DIAPH2: variants seen among roughly 807,000 people sequenced by gnomAD.
DIAPH2 encodes the protein protein diaphanous homolog 2.
Under a neutral mutation model 92.7 loss-of-function variants are expected in DIAPH2, and 35 were observed. That is an observed-to-expected ratio of 0.38 (90% CI 0.29 to 0.50). The LOEUF is 0.50. Ranked by LOEUF, DIAPH2 falls within the 20% of genes least tolerant of loss-of-function variation. The probability of loss-of-function intolerance (pLI) is 0.94; values close to 1 mark genes in which losing one functional copy is unlikely to be tolerated. For synonymous variants in DIAPH2, 301 were observed against 280.4 expected, an observed-to-expected ratio of 1.07 and a Z score of -0.73; for missense variants, 701 against 819.5, an observed-to-expected ratio of 0.86 and a Z score of 1.77.
intron 1 of DIAPH2, among the ~76,000 whole-genome samples, chrX:96,724,217 C>T (rs1432136369): frequency 3.6e-5 from 4 of 111,327 alleles, no homozygotes; most frequent in South Asian, 7.5e-4. Flanking sequence ...TGAGCCACCA[C>T]GCTTGGCTAA....
At chrX:97,009,860 G>A (rs1165972194) in intron 17 of DIAPH2, among the ~76,000 whole-genome samples, 3 of 111,639 alleles carry the variant, frequency 2.7e-5, no homozygotes, top group Admixed American at 9.5e-5. Flanking sequence ...GTGGAAGGAA[G>A]GGGTCTCTAC....
At chrX:97,273,824 G>T (rs1309851669) in intron 23 of DIAPH2, among the ~76,000 whole-genome samples, 2 of 111,501 alleles carry the variant, frequency 1.8e-5, no homozygotes, top group African/African-American at 6.5e-5. Flanking sequence ...GTTTGACATT[G>T]GTCATTTTAA....
intron 26 of DIAPH2, among the ~76,000 whole-genome samples, chrX:97,563,808 G>A (rs1335305956): frequency 8.1e-5 from 9 of 110,484 alleles, no homozygotes; most frequent in Non-Finnish European, 1.5e-4. Context: ...AAGGGATCTA[G>A]GAGTGACTGG....
At chrX:96,818,021 G>T (rs6620175) in intron 4 of DIAPH2, among the ~76,000 whole-genome samples, 4,865 of 52,872 alleles carry the variant, frequency 0.092, 328 homozygotes, top group East Asian at 0.31. Flanking sequence ...TCGCTCTGTC[G>T]CCCAGGCTGG....
rs144658401 is a variant in DIAPH2 at position 97,533,851 on chromosome X, T to C, written c.3242-65402T>C. 3.5e-3 allele frequency among the ~76,000 whole-genome samples: 394 copies of C among 111,827 alleles called. 5 individuals are homozygous for C. Among genetic ancestry groups the C allele is most frequent in the African/African-American group, 0.012 (373 of 30,863 alleles). ...TTGGAATGAGAAGAAAAACAATAAT[T>C]TACTCTGGTAATTTTCTGAAGAATA... is the stretch of plus-strand genomic sequence containing the variant. On this transcript the variant is annotated intron_variant, in intron 26 of 26. Coordinates refer to ENST00000324765, the MANE Select transcript of DIAPH2 (RefSeq NM_006729.5).
intron 16 of DIAPH2, among the ~76,000 whole-genome samples, chrX:96,963,123 T>C (rs1301088448): frequency 9.0e-6 from 1 of 111,395 alleles, no homozygotes; most frequent in Non-Finnish European, 1.9e-5. Flanking sequence ...ACAACTGGCT[T>C]CTTTTTTTCT....
intron 26 of DIAPH2, chrX:97,469,941 G>A: frequency 1.6e-6 from 1 of 624,275 alleles, no homozygotes; most frequent in Non-Finnish European, 2.3e-6. Flanking sequence ...CCATATCTAT[G>A]CCTGGAAAGA....
rs1345317712 is a variant in DIAPH2, at chrX:96,955,906, T to TGCAAA, written c.1615-1918_1615-1917insAGCAA. Among the ~76,000 whole-genome samples, 11 of 112,418 alleles carry TGCAAA rather than the reference T, an allele frequency of 9.8e-5. No individual in the cohort carries two copies. The Admixed American group carries it at 1.0e-3, about 10-fold the overall frequency. ...GTTTGTGGCTTTTCCAGGTGCATGG[T>TGCAAA]GCAAGCCATCAGTAGATCTGTCATT... On this transcript the variant is annotated intron_variant, in intron 15 of 26. Transcript: ENST00000324765.
chrX:96,939,959 G>A (rs2065693842), intron 12 of DIAPH2, among the ~76,000 whole-genome samples: 2 of 87,473 alleles, frequency 2.3e-5, no homozygotes, highest in African/African-American at 6.0e-5. Context: ...CACCGCGCCC[G>A]GCCCAGGTAA....
chrX:97,579,988 G>A (rs2071427298), intron 26 of DIAPH2, among the ~76,000 whole-genome samples: 1 of 110,756 alleles, frequency 9.0e-6, no homozygotes, highest in East Asian at 2.8e-4. Context: ...TTGGTGTATA[G>A]GAATGCTTGT....
chrX:97,133,572 C>T (rs1007055277), intron 21 of DIAPH2, among the ~76,000 whole-genome samples: 2 of 112,179 alleles, frequency 1.8e-5, no homozygotes, highest in African/African-American at 3.2e-5. Context: ...TAGGCGTGAG[C>T]CACTACGTCC....
At chrX:97,313,547 A>AAT (rs2068814883) in intron 23 of DIAPH2, among the ~76,000 whole-genome samples, 1 of 112,069 alleles carries the variant, frequency 8.9e-6, no homozygotes, top group Non-Finnish European at 1.9e-5. Context: ...ATTCAGCTAG[A>AAT]ATATATGTTG....
intron 22 of DIAPH2, among the ~76,000 whole-genome samples, chrX:97,176,653 G>A (rs1379242974): frequency 1.8e-5 from 2 of 110,702 alleles, no homozygotes; most frequent in Non-Finnish European, 3.8e-5. Flanking sequence ...TCAGCCTCCC[G>A]AGTAGCTGGG....
intron 24 of DIAPH2, among the ~76,000 whole-genome samples, chrX:97,368,554 T>C (rs1436373320): frequency 8.9e-6 from 1 of 111,802 alleles, no homozygotes; most frequent in Non-Finnish European, 1.9e-5. Context: ...GTGAGCACAT[T>C]GCCAGTGCCC....
At chrX:96,707,576 A>C (rs970729243) in intron 1 of DIAPH2, among the ~76,000 whole-genome samples, 11 of 109,239 alleles carry the variant, frequency 1.0e-4, no homozygotes, top group African/African-American at 3.7e-4. Flanking sequence ...TGAACCTGGG[A>C]GGTGGAGGTT....
At chrX:97,423,346 A>G (rs185399103) in intron 25 of DIAPH2, among the ~76,000 whole-genome samples, 43 of 111,945 alleles carry the variant, frequency 3.8e-4, no homozygotes, top group African/African-American at 1.4e-3. Context: ...TGAGAAACCC[A>G]TAGAGAATTG....
At chrX:97,247,179 C>T (rs1328886496) in intron 22 of DIAPH2, among the ~76,000 whole-genome samples, 1 of 111,455 alleles carries the variant, frequency 9.0e-6, no homozygotes, top group Non-Finnish European at 1.9e-5. Context: ...GGGGTTTGCT[C>T]TAAATTATCT....
chrX:97,509,246 C>A (rs1232900689), intron 26 of DIAPH2, among the ~76,000 whole-genome samples: 1 of 108,524 alleles, frequency 9.2e-6, no homozygotes, highest in East Asian at 2.9e-4. Context: ...GGAGTTTCAC[C>A]GTGTTGACGA....
intron 24 of DIAPH2, among the ~76,000 whole-genome samples, chrX:97,362,044 C>T (rs940139016): frequency 9.0e-6 from 1 of 111,414 alleles, no homozygotes; most frequent in Non-Finnish European, 1.9e-5. Context: ...AGTTCGAGAC[C>T]AGCCTGGCCA....
Sources: gnomAD v4.1 joint callset for allele counts (sites outside exome capture counted in the v4.1 genomes callset) on GRCh38, gnomAD v4.1.1 for gene constraint, MANE v1.5 for transcripts, NCBI Gene and HGNC (gene_info 2026-07-23, HGNC 2026-07-21) for gene names.